PAK2: variants seen among roughly 807,000 people sequenced by gnomAD.
PAK2 encodes the protein serine/threonine-protein kinase PAK 2.
A neutral mutation model predicts 65.9 loss-of-function variants in PAK2; 21 were observed. That is an observed-to-expected ratio of 0.32 (90% confidence interval 0.23 to 0.46). The LOEUF (loss-of-function observed/expected upper bound fraction) is 0.46, where lower values mean the gene tolerates loss of function less well. Among genes scored for constraint, PAK2 ranks in the 20% least tolerant of loss-of-function variants. The probability of loss-of-function intolerance (pLI) is 1.00; values close to 1 mark genes in which losing one functional copy is unlikely to be tolerated. For synonymous variants in PAK2, 204 were observed against 219.7 expected (o/e 0.93, Z 0.63); for missense variants, 324 against 642.6 (o/e 0.50, Z 5.36).
At chr3:196,813,049 A>G (rs1382451868) in intron 10 of PAK2, among the ~76,000 whole-genome samples, 198 bp downstream of exon 10, 1 of 152,130 alleles carries the variant, frequency 6.6e-6, no homozygotes, top group African/African-American at 2.4e-5. Context: ...GGCAGGTGAG[A>G]GAAGGCAGTT....
intron 1 of PAK2, among the ~76,000 whole-genome samples, chr3:196,768,385 CTTGA>C (rs1332904327): frequency 6.6e-6 from 1 of 151,922 alleles, no homozygotes; most frequent in Non-Finnish European, 1.5e-5. Context: ...TCTGATTTAT[CTTGA>C]TTATTTCCTT....
intron 2 of PAK2, among the ~76,000 whole-genome samples, chr3:196,789,415 A>G (rs761514307): frequency 6.6e-6 from 1 of 152,144 alleles, no homozygotes; most frequent in Non-Finnish European, 1.5e-5. Flanking sequence ...CCTATTTCCT[A>G]GAGGAGTGGT....
At chr3:196,825,405 A>C (rs1329643118) in intron 13 of PAK2, among the ~76,000 whole-genome samples, 1 of 151,666 alleles carries the variant, frequency 6.6e-6, no homozygotes, top group Non-Finnish European at 1.5e-5. Context: ...GCACTTTGGG[A>C]GGCCAAGGCG....
In PAK2 at chr3:196,797,748, C is replaced by T. The variant is rs575886202; in HGVS notation, c.188-4179C>T. Reference sequence around the variant, plus strand: ...CCTGGGCAACAAAGCAAGACTCTGTCTCAAAAAAAAATAAAATAAATAAAG... The same window carrying T: ...CCTGGGCAACAAAGCAAGACTCTGTTTCAAAAAAAAATAAAATAAATAAAG... On this transcript the variant is annotated intron_variant, in intron 2 of 14. Transcript: ENST00000327134. 7.4e-4 allele frequency among the ~76,000 whole-genome samples: 111 copies of T among 150,020 alleles called. 4 individuals are homozygous for T. In the South Asian group the frequency reaches 0.023, roughly 31 times the overall value.
intron 1 of PAK2, among the ~76,000 whole-genome samples, chr3:196,745,140 G>C (rs1252292888): frequency 7.0e-6 from 1 of 143,804 alleles, no homozygotes; most frequent in Non-Finnish European, 1.5e-5. Context: ...TTTTGTGACA[G>C]AGTCTCACTC....
At chr3:196,770,420 A>C (rs952828964) in intron 1 of PAK2, among the ~76,000 whole-genome samples, 1 of 151,436 alleles carries the variant, frequency 6.6e-6, no homozygotes, top group African/African-American at 2.4e-5. Context: ...ACTTGGGAGG[A>C]TCAGGTGGGA....
At chr3:196,809,380 C>T (rs141156292) in intron 7 of PAK2, among the ~76,000 whole-genome samples, 13 of 105,734 alleles carry the variant, frequency 1.2e-4, no homozygotes, top group Admixed American at 4.2e-4. Flanking sequence ...GACAGAGTCT[C>T]GCTCTGTCAC....
In PAK2 at chr3:196,751,696, A is replaced by AAATTACC. The variant is rs373145395; in HGVS notation, c.-22+11539_-22+11540insAATTACC. ...ATACATATATATATATATATATATAATTCAGGCTATATATAAAAGGCATTT... is the reference window on the plus strand; with the variant it reads ...ATACATATATATATATATATATATAAAATTACCTTCAGGCTATATATAAAAGGCATTT... On this transcript the variant is annotated intron_variant, in intron 1 of 14. Transcript: ENST00000327134. 4.8e-3 allele frequency among the ~76,000 whole-genome samples: 345 copies of AAATTACC among 72,458 alleles called. 19 individuals are homozygous for AAATTACC. The highest frequency in any genetic ancestry group is 0.022 in the African/African-American group (322 of 14,706). The allele number at this position is 72,458 out of a possible 152,430, so 47.5% of individuals were successfully genotyped here. A position where few individuals can be genotyped will look rare whatever the true frequency, so the allele number is the denominator to read the frequency against.
At chr3:196,819,890 C>A (rs1711594733) in intron 12 of PAK2, among the ~76,000 whole-genome samples, 1 of 152,138 alleles carries the variant, frequency 6.6e-6, no homozygotes, top group African/African-American at 2.4e-5. Context: ...GTAATCCCAA[C>A]ACTTTGGGAG....
At position 196,807,884 on chromosome 3, in the gene PAK2, A is replaced by T; in HGVS notation, c.679A>T (p.Met227Leu). The change falls in exon 7 of 15, where the codon ATG (methionine) becomes TTG (leucine). Residue 227 changes from methionine (M) to leucine (L), a missense_variant. Physicochemically the swap from Met to Leu is conservative, Grantham distance 15. Transcript: ENST00000327134. The stretch of plus-strand genomic sequence containing the variant: ...AGACAAACAGAAAAAGAAGACTAAG[A>T]TGACAGATGAAGAGATTATGGAGAA... ...SLDKQKKKTKMTDEEIMEKLR... is the reference protein window; with the variant it reads ...SLDKQKKKTKLTDEEIMEKLR... 1.9e-6 allele frequency: 3 copies of T among 1,598,552 alleles called. No individual in the cohort carries two copies. The highest frequency in any genetic ancestry group is 2.6e-6 in the Non-Finnish European group (3 of 1,166,020).
chr3:196,768,414 A>T (rs1323952390), intron 1 of PAK2, among the ~76,000 whole-genome samples: 2 of 151,718 alleles, frequency 1.3e-5, no homozygotes, highest in African/African-American at 4.9e-5. Flanking sequence ...CATTCTTTGG[A>T]TTTATTTTAC....
intron 2 of PAK2, among the ~76,000 whole-genome samples, chr3:196,795,292 CAAAAAA>C (rs55963334): frequency 7.3e-6 from 1 of 136,116 alleles, no homozygotes; most frequent in African/African-American, 2.8e-5. Flanking sequence ...CCCATCTCTA[CAAAAAA>C]AAAAAAAGAA....
rs1285758298 is a variant in PAK2, at chr3:196,740,049, T to A, written c.-130T>A. 6.6e-6 allele frequency: 1 copy of A among 150,716 alleles called. No individual in the cohort carries two copies. Among genetic ancestry groups the A allele is most frequent in the Non-Finnish European group, 1.5e-5 (1 of 67,558 alleles). The allele number at this position is 150,716 out of a possible 1,614,324, so 9.3% of individuals were successfully genotyped here. A position where few individuals can be genotyped will look rare whatever the true frequency, so the allele number is the denominator to read the frequency against. On this transcript the variant is annotated 5_prime_UTR_variant, in exon 1 of 15. Transcript: ENST00000327134. ...CGTCTCTTCCCGCCCCGCTTCCCCT[T>A]CCCTCCCCTCCCCTCCCCGCACCGC...
intron 2 of PAK2, among the ~76,000 whole-genome samples, chr3:196,797,281 A>G (rs1226606729): frequency 6.6e-6 from 1 of 152,136 alleles, no homozygotes; most frequent in Non-Finnish European, 1.5e-5. Context: ...CCTGGCCAAC[A>G]TGGTGAAACC....
In PAK2 at chr3:196,812,631, G is replaced by A. The variant is rs1715865224; in HGVS notation, c.823-108G>A. On this transcript the variant is annotated intron_variant, in intron 9 of 14. Coordinates refer to ENST00000327134, the MANE Select transcript of PAK2 (RefSeq NM_002577.4). ...GGCAAGGTGCCACCTGGGAGTAATA[G>A]CATGGTGTAATACAGTACACGTACC... The A allele has an allele frequency of 8.2e-6, 5 of 612,578 alleles. No homozygotes were observed. In the South Asian group the frequency reaches 1.0e-4, roughly 12 times the overall value. 37.9% of individuals were successfully genotyped at this position (612,578 alleles called of 1,614,324 possible). A position where few individuals can be genotyped will look rare whatever the true frequency, so the allele number is the denominator to read the frequency against.
intron 13 of PAK2, 80 bp from the exon 14 acceptor site, chr3:196,827,116 G>C (rs995513237): frequency 1.3e-6 from 1 of 763,014 alleles, no homozygotes; most frequent in Non-Finnish European, 2.0e-6. Context: ...AAAGAAGAAA[G>C]AATCCCTTAG....
intron 13 of PAK2, 118 bp from the exon 14 acceptor site, chr3:196,827,078 C>T (rs1711903263): frequency 5.4e-6 from 3 of 556,884 alleles, no homozygotes; most frequent in Non-Finnish European, 6.4e-6. Context: ...ATGATAACCC[C>T]AGTTTAGTAT....
chr3:196,758,908 T>C (rs1045387589), intron 1 of PAK2, among the ~76,000 whole-genome samples: 5 of 152,168 alleles, frequency 3.3e-5, no homozygotes, highest in African/African-American at 1.2e-4. Flanking sequence ...TCTGCCCACC[T>C]CAGTGTGCCA....
intron 2 of PAK2, among the ~76,000 whole-genome samples, chr3:196,790,070 G>T (rs933541778): frequency 6.6e-6 from 1 of 152,184 alleles, no homozygotes; most frequent in African/African-American, 2.4e-5. Flanking sequence ...CTTTCCTAGA[G>T]AATTCTCTGC....
Sources: gnomAD v4.1 joint callset for allele counts (sites outside exome capture counted in the v4.1 genomes callset) on GRCh38, gnomAD v4.1.1 for gene constraint, MANE v1.5 for transcripts, NCBI Gene and HGNC (gene_info 2026-07-23, HGNC 2026-07-21) for gene names.